SENP6: variants seen among roughly 807,000 people sequenced by gnomAD.
SENP6 encodes the protein sentrin-specific protease 6.
Under a neutral mutation model 134.5 loss-of-function variants are expected in SENP6, and 41 were observed. That is an observed-to-expected ratio of 0.30 (90% CI 0.24 to 0.40). The LOEUF (loss-of-function observed/expected upper bound fraction) is 0.40, where lower values mean the gene tolerates loss of function less well. SENP6 is among the 10% of genes least tolerant of loss of function. The pLI, the probability that SENP6 is intolerant of heterozygous loss-of-function variation, is 1.00. For missense variants in SENP6, 1,248 were observed against 1,312.5 expected, an observed-to-expected ratio of 0.95 and a Z score of 0.76; for synonymous variants, 395 against 429.8, an observed-to-expected ratio of 0.92 and a Z score of 1.00.
intron 1 of SENP6, among the ~76,000 whole-genome samples, chr6:75,619,276 G>A (rs564061853): frequency 1.3e-5 from 2 of 152,058 alleles, no homozygotes; most frequent in South Asian, 2.1e-4. Flanking sequence ...TCTACTTTCT[G>A]TCTCTATGAA....
intron 16 of SENP6, among the ~76,000 whole-genome samples, chr6:75,682,161 TAAAG>T (rs1437745253): frequency 6.6e-6 from 1 of 151,822 alleles, no homozygotes; most frequent in Non-Finnish European, 1.5e-5. Flanking sequence ...TATGTAATGA[TAAAG>T]GAATGATCCA....
chr6:75,672,984 C>T (rs1188408238), intron 11 of SENP6, among the ~76,000 whole-genome samples: 13 of 151,968 alleles, frequency 8.6e-5, no homozygotes, highest in African/African-American at 2.7e-4. Flanking sequence ...CCGGCCACCA[C>T]GTCCAGCTAA....
intron 7 of SENP6, among the ~76,000 whole-genome samples, chr6:75,656,645 G>C (rs1771361208): frequency 1.3e-5 from 2 of 151,992 alleles, no homozygotes; most frequent in Admixed American, 1.3e-4. Context: ...TTAACCCTGA[G>C]GCTAACATTT....
intron 19 of SENP6, among the ~76,000 whole-genome samples, chr6:75,708,560 C>T (rs1775557420): frequency 6.6e-6 from 1 of 152,022 alleles, no homozygotes; most frequent in Non-Finnish European, 1.5e-5. Flanking sequence ...CACTGGACTC[C>T]ACCTGGGCAA....
At chr6:75,699,751 A>C (rs1022183680) in intron 18 of SENP6, among the ~76,000 whole-genome samples, 1 of 152,066 alleles carries the variant, frequency 6.6e-6, no homozygotes, top group African/African-American at 2.4e-5. Flanking sequence ...TAGCCTCTCA[A>C]AGTGCTGGGA....
At chr6:75,675,391 T>C in intron 11 of SENP6, 44 bp from the exon 12 acceptor site, 1 of 1,143,638 alleles carries the variant, frequency 8.7e-7, no homozygotes. Flanking sequence ...AAGCCTGCCT[T>C]TCTTTGTAAG....
At chr6:75,612,514 A>G (rs1361154837) in intron 1 of SENP6, among the ~76,000 whole-genome samples, 1 of 151,940 alleles carries the variant, frequency 6.6e-6, no homozygotes, top group Non-Finnish European at 1.5e-5. Flanking sequence ...TTATTTTTGT[A>G]GAGACAGAGT....
In SENP6 at chr6:75,605,787, C is replaced by CT. The variant is rs1337981473; in HGVS notation, c.52+3218dup. ...AAGGGGGTGTAATGATATGGTTTAT[C>CT]TTTTTTTAAAAAAAAGTTTGGCTGC... is the stretch of plus-strand genomic sequence containing the variant. On this transcript the variant is annotated intron_variant, in intron 1 of 23. Coordinates refer to ENST00000447266, the MANE Select transcript of SENP6 (RefSeq NM_015571.4). Among the ~76,000 whole-genome samples, 4 of 151,810 alleles carry CT rather than the reference C, an allele frequency of 2.6e-5. No homozygotes were observed. In the East Asian group the frequency reaches 5.8e-4, roughly 22 times the overall value.
intron 16 of SENP6, among the ~76,000 whole-genome samples, chr6:75,692,791 C>CAAAAA: frequency 7.0e-6 from 1 of 143,238 alleles, no homozygotes; most frequent in East Asian, 2.0e-4. Flanking sequence ...CTTCCCCCGC[C>CAAAAA]AAAAAAAAAA....
intron 7 of SENP6, among the ~76,000 whole-genome samples, chr6:75,655,779 C>G (rs78012056): frequency 0.04 from 6,029 of 152,102 alleles, 204 homozygotes; most frequent in East Asian, 0.16. Flanking sequence ...TATGAACATT[C>G]TTTTTATGAA....
At chr6:75,651,385 G>T (rs1287393241) in intron 7 of SENP6, among the ~76,000 whole-genome samples, 2 of 152,088 alleles carry the variant, frequency 1.3e-5, no homozygotes, top group Admixed American at 6.6e-5. Context: ...ACAGGGTCTT[G>T]CTCTATTACC....
At chr6:75,701,251 T>C (rs1267055091) in intron 18 of SENP6, among the ~76,000 whole-genome samples, 1 of 152,196 alleles carries the variant, frequency 6.6e-6, no homozygotes, top group African/African-American at 2.4e-5. Flanking sequence ...GCCTGTTCCT[T>C]GTATCCCAGC....
intron 16 of SENP6, among the ~76,000 whole-genome samples, chr6:75,688,368 G>A (rs1170537205): frequency 1.3e-5 from 2 of 152,166 alleles, no homozygotes; most frequent in African/African-American, 2.4e-5. Context: ...GTGATGCCCC[G>A]CCCTGCTTCA....
intron 18 of SENP6, among the ~76,000 whole-genome samples, chr6:75,698,191 A>T (rs958950371): frequency 2.6e-5 from 4 of 152,208 alleles, no homozygotes; most frequent in African/African-American, 9.7e-5. Context: ...GGAGCCTCTC[A>T]ATAAAAGGAT....
intron 10 of SENP6, among the ~76,000 whole-genome samples, chr6:75,667,561 T>TA (rs1190855650): frequency 1.3e-5 from 2 of 152,170 alleles, no homozygotes; most frequent in Non-Finnish European, 2.9e-5. Context: ...TAAAAATTGT[T>TA]AAAAAATCAA....
At chr6:75,684,370 C>G (rs1470272107) in intron 16 of SENP6, among the ~76,000 whole-genome samples, 1 of 152,164 alleles carries the variant, frequency 6.6e-6, no homozygotes, top group Non-Finnish European at 1.5e-5. Flanking sequence ...TCCCCATTTC[C>G]TAATTGAATA....
intron 19 of SENP6, among the ~76,000 whole-genome samples, chr6:75,707,564 C>T (rs1297161251): frequency 6.6e-6 from 1 of 151,730 alleles, no homozygotes; most frequent in African/African-American, 2.4e-5. Flanking sequence ...CACTTTGTTG[C>T]CCAGGCTGGT....
intron 1 of SENP6, among the ~76,000 whole-genome samples, chr6:75,604,300 A>G (rs1766857420): frequency 6.6e-6 from 1 of 152,226 alleles, no homozygotes; most frequent in South Asian, 2.1e-4. Context: ...AAGCATTTTT[A>G]TAAAGCAAGC....
At chr6:75,628,449 G>A (rs1768865171) in intron 3 of SENP6, among the ~76,000 whole-genome samples, 1 of 151,896 alleles carries the variant, frequency 6.6e-6, no homozygotes, top group South Asian at 2.1e-4. Flanking sequence ...AATTTATTAT[G>A]CAAAATAATA....
Sources: allele counts gnomAD v4.1 joint callset (sites outside exome capture counted in the v4.1 genomes callset), GRCh38; gene constraint gnomAD v4.1.1; transcripts MANE v1.5; gene names NCBI Gene and HGNC (gene_info 2026-07-23, HGNC 2026-07-21).